The following SLC25A21 variants were observed in gnomAD, a reference collection of about 807,000 sequenced individuals.
The protein encoded by SLC25A21 is solute carrier family 25 member 21.
SLC25A21 carries 47 observed loss-of-function variants against 43.8 expected under a neutral mutation model. The ratio of observed to expected loss-of-function variants is 1.07; its 90% CI spans 0.85 to 1.37. SLC25A21 has a LOEUF of 1.37. Among genes scored for constraint, SLC25A21 ranks in the 40% most tolerant of loss-of-function variants. The pLI is 0.00. For synonymous variants in SLC25A21, 131 were observed against 121.3 expected (o/e 1.08, Z -0.52); for missense variants, 352 against 350.2 (o/e 1.00, Z -0.04).
intron 3 of SLC25A21, chr14:36,759,727 C>T (rs570006910): frequency 6.6e-6 from 1 of 152,330 alleles, no homozygotes; most frequent in South Asian, 2.1e-4. Flanking sequence ...GCCTGTAATC[C>T]CAGCATGTTG....
rs185208698 is a variant in SLC25A21, at chr14:37,014,477, T to C, written c.71-139473A>G. Among the ~76,000 whole-genome samples the C allele has an allele frequency of 2.5e-3, 380 of 152,236 alleles. 1 individual carries two copies. Among genetic ancestry groups the C allele is most frequent in the Non-Finnish European group, 2.9e-3 (200 of 68,000 alleles). ...TATCCATTCAGGTTTTATCCTGAGA[T>C]TGAGCAATTCACCCTCCACTTCTAA... is the stretch of plus-strand genomic sequence containing the variant. On this transcript the variant is annotated intron_variant, in intron 1 of 9. Transcript: ENST00000331299.
intron 2 of SLC25A21, among the ~76,000 whole-genome samples, chr14:36,816,261 C>T (rs1888450973): frequency 6.6e-6 from 1 of 152,076 alleles, no homozygotes. Context: ...GTTCAGTCTT[C>T]CAGCAGAGTT....
chr14:37,172,385 G>A lies in SLC25A21; in HGVS notation c.-35C>T, dbSNP rs368450735. On this transcript the variant is annotated 5_prime_UTR_variant, in exon 1 of 10. Coordinates refer to ENST00000331299, the MANE Select transcript of SLC25A21 (RefSeq NM_030631.4). ...GCGGGAGGACAAGGGAGTGGGCTGAGATGCGTCAACGAGCTCGCAGCCTGC... is the reference window on the plus strand; with the variant it reads ...GCGGGAGGACAAGGGAGTGGGCTGAAATGCGTCAACGAGCTCGCAGCCTGC... The A allele has an allele frequency of 1.3e-6, 2 of 1,573,360 alleles. No individual in the cohort carries two copies. Among genetic ancestry groups the A allele is most frequent in the Non-Finnish European group, 1.7e-6 (2 of 1,158,070 alleles).
chr14:37,163,728 A>G (rs1963987592), intron 1 of SLC25A21, among the ~76,000 whole-genome samples: 1 of 152,186 alleles, frequency 6.6e-6, no homozygotes. Context: ...GTTAAAGTGT[A>G]TAAACATACA....
At position 36,678,655 on chromosome 14, in the gene SLC25A21, TA is replaced by T. The variant is rs33991803; in HGVS notation, c.*2002del. On this transcript the variant is annotated 3_prime_UTR_variant, in exon 10 of 10. Coordinates refer to ENST00000331299, the MANE Select transcript of SLC25A21 (RefSeq NM_030631.4). ...TTTTTAGGTGGCTGTTAGGGGGCTT[TA>T]AAAAATATTACTTGCTTGTGTGGAA... is the stretch of plus-strand genomic sequence containing the variant. 3,065 of 1,257,430 alleles carry T rather than the reference TA, an allele frequency of 2.4e-3. 59 individuals carry two copies. In the African/African-American group the frequency reaches 0.041, roughly 17 times the overall value. 77.9% of individuals were successfully genotyped at this position (1,257,430 alleles called of 1,614,324 possible). A position where few individuals can be genotyped will look rare whatever the true frequency, so the allele number is the denominator to read the frequency against.
intron 1 of SLC25A21, among the ~76,000 whole-genome samples, chr14:36,913,253 A>T (rs1341396321): frequency 6.6e-6 from 1 of 152,162 alleles, no homozygotes; most frequent in African/African-American, 2.4e-5. Context: ...GAGGAAAAAA[A>T]TTCCTTAAAG....
intron 6 of SLC25A21, 84 bp from the exon 7 acceptor site, chr14:36,711,566 C>A (rs1388584744): frequency 2.1e-6 from 3 of 1,434,202 alleles, no homozygotes; most frequent in East Asian, 2.4e-5. Flanking sequence ...TCCCTTCAAG[C>A]CAGAATTATT....
intron 1 of SLC25A21, among the ~76,000 whole-genome samples, chr14:36,967,769 T>C (rs951582967): frequency 6.6e-6 from 1 of 152,202 alleles, no homozygotes; most frequent in Non-Finnish European, 1.5e-5. Context: ...GCACACTCCC[T>C]GCCTGTGTGG....
intron 1 of SLC25A21, among the ~76,000 whole-genome samples, chr14:37,042,333 A>C (rs79997817): frequency 0.022 from 3,322 of 152,278 alleles, 127 homozygotes; most frequent in African/African-American, 0.076. Context: ...ATATCATCAA[A>C]ATTGTTTCCA....
At chr14:36,957,629 C>T (rs896405174) in intron 1 of SLC25A21, among the ~76,000 whole-genome samples, 3 of 152,314 alleles carry the variant, frequency 2.0e-5, no homozygotes, top group Admixed American at 6.5e-5. Flanking sequence ...AAAATCCCCA[C>T]ATTTGAGAAA....
chr14:36,747,742 C>T (rs1024345646), intron 3 of SLC25A21, among the ~76,000 whole-genome samples: 4 of 152,162 alleles, frequency 2.6e-5, no homozygotes, highest in African/African-American at 9.7e-5. Context: ...ATAGTACATT[C>T]CAAAATTAAT....
At chr14:36,719,495 G>C (rs531058016) in intron 6 of SLC25A21, among the ~76,000 whole-genome samples, 7 of 152,306 alleles carry the variant, frequency 4.6e-5, no homozygotes, top group African/African-American at 1.7e-4. Context: ...AACCAAACCA[G>C]AGCATGACAA....
At chr14:37,006,718 C>T (rs1355301829) in intron 1 of SLC25A21, among the ~76,000 whole-genome samples, 1 of 151,964 alleles carries the variant, frequency 6.6e-6, no homozygotes, top group Admixed American at 6.6e-5. Flanking sequence ...GATTATCTTA[C>T]AAATAATGCA....
chr14:36,866,940 T>C (rs1388355673), intron 2 of SLC25A21, among the ~76,000 whole-genome samples: 1 of 152,194 alleles, frequency 6.6e-6, no homozygotes, highest in Non-Finnish European at 1.5e-5. Context: ...AGAATTAATT[T>C]TACCTGTTTC....
intron 2 of SLC25A21, among the ~76,000 whole-genome samples, chr14:36,819,401 A>C (rs150454264): frequency 6.6e-6 from 1 of 152,172 alleles, no homozygotes; most frequent in East Asian, 1.9e-4. Context: ...TTTTTTCTAA[A>C]TTAGCTGAGA....
chr14:37,071,925 T>C (rs1962181372), intron 1 of SLC25A21, among the ~76,000 whole-genome samples: 1 of 152,136 alleles, frequency 6.6e-6, no homozygotes, highest in Non-Finnish European at 1.5e-5. Flanking sequence ...CTCACGTCTA[T>C]AATCCCAGCA....
At chr14:36,917,524 C>G (rs1048530387) in intron 1 of SLC25A21, among the ~76,000 whole-genome samples, 1 of 152,250 alleles carries the variant, frequency 6.6e-6, no homozygotes, top group South Asian at 2.1e-4. Flanking sequence ...AATACATGTG[C>G]TGTTCATATT....
intron 2 of SLC25A21, among the ~76,000 whole-genome samples, chr14:36,864,923 T>A (rs1890170225): frequency 6.6e-6 from 1 of 152,174 alleles, no homozygotes; most frequent in Admixed American, 6.6e-5. Flanking sequence ...CTGTTATTTA[T>A]TTATTTTTGA....
chr14:36,935,744 T>C (rs749965696), intron 1 of SLC25A21, among the ~76,000 whole-genome samples: 7 of 152,100 alleles, frequency 4.6e-5, no homozygotes, highest in South Asian at 4.1e-4. Context: ...ATCGTGACAA[T>C]TGTTGTTTAT....
Sources: allele counts gnomAD v4.1 joint callset (sites outside exome capture counted in the v4.1 genomes callset), GRCh38; gene constraint gnomAD v4.1.1; transcripts MANE v1.5; gene names NCBI Gene and HGNC (gene_info 2026-07-23, HGNC 2026-07-21).